TENM3: variants seen among roughly 807,000 people sequenced by gnomAD.
TENM3 encodes teneurin transmembrane protein 3, also known as teneurin-3.
Under a neutral mutation model 255.1 loss-of-function variants are expected in TENM3, and 63 were observed. That is an observed-to-expected ratio of 0.25 (90% CI 0.20 to 0.30). TENM3 has a LOEUF of 0.30. Among genes scored for constraint, TENM3 ranks in the 10% least tolerant of loss-of-function variants. The pLI, the probability that TENM3 is intolerant of heterozygous loss-of-function variation, is 1.00. For synonymous variants in TENM3, 1,306 were observed against 1,322.3 expected (o/e 0.99, Z 0.27); for missense variants, 2,929 against 3,461.1 (o/e 0.85, Z 3.86).
chr4:181,795,418 T>C, the TENM3 span, among the ~76,000 whole-genome samples: 2 of 152,306 alleles, frequency 1.3e-5, no homozygotes, highest in African/African-American at 4.8e-5. Context: ...CCCACCCTTA[T>C]GACCTAATTA....
chr4:181,637,841 T>C, the TENM3 span, among the ~76,000 whole-genome samples: 1 of 152,228 alleles, frequency 6.6e-6, no homozygotes, highest in East Asian at 1.9e-4. Context: ...CAGTCATTGG[T>C]ACATTCTCAG....
At chr4:182,110,434 C>T in the TENM3 span, among the ~76,000 whole-genome samples, 1 of 152,050 alleles carries the variant, frequency 6.6e-6, no homozygotes, top group African/African-American at 2.4e-5. Flanking sequence ...AAGTGATCCT[C>T]CCTCCTCAGC....
chr4:181,817,941 C>T, the TENM3 span, among the ~76,000 whole-genome samples: 2 of 152,176 alleles, frequency 1.3e-5, no homozygotes, highest in Non-Finnish European at 2.9e-5. Context: ...TTTACAAAGT[C>T]CAGTGTTTGT....
chr4:181,976,068 A>T, the TENM3 span: 5 of 152,172 alleles, frequency 3.3e-5, no homozygotes, highest in African/African-American at 1.2e-4. Context: ...TTCCCTTTTT[A>T]TAAGGACATC....
chr4:182,198,248 AC>A (rs1423861919), intron 1 of TENM3, among the ~76,000 whole-genome samples: 11 of 152,258 alleles, frequency 7.2e-5, no homozygotes, highest in Non-Finnish European at 7.3e-5. Flanking sequence ...GTTCATTTGC[AC>A]GAATAAACTC....
At chr4:182,151,517 G>T (rs1375113404) in intron 1 of TENM3, among the ~76,000 whole-genome samples, 1 of 152,020 alleles carries the variant, frequency 6.6e-6, no homozygotes, top group Admixed American at 6.6e-5. Context: ...TTGGCACAGA[G>T]CTTGCCATTT....
At chr4:181,881,590 G>C in the TENM3 span, among the ~76,000 whole-genome samples, 1 of 152,028 alleles carries the variant, frequency 6.6e-6, no homozygotes, top group Non-Finnish European at 1.5e-5. Context: ...ATTGATCTTT[G>C]TTTTTGACCC....
At chr4:181,527,899 C>A in the TENM3 span, among the ~76,000 whole-genome samples, 3 of 151,750 alleles carry the variant, frequency 2.0e-5, no homozygotes, top group Non-Finnish European at 4.4e-5. Context: ...TAAACTTATA[C>A]TTCTGAGTTG....
At chr4:182,417,846 TG>T (rs1180412321) in intron 3 of TENM3, among the ~76,000 whole-genome samples, 2 of 152,192 alleles carry the variant, frequency 1.3e-5, no homozygotes, top group Non-Finnish European at 2.9e-5. Flanking sequence ...CATAGCTCTT[TG>T]AAGATGTAGA....
At chr4:181,774,003 G>GTTTTT in the TENM3 span, among the ~76,000 whole-genome samples, 183 of 90,014 alleles carry the variant, frequency 2.0e-3, no homozygotes, top group African/African-American at 3.6e-3. Context: ...TGGTGGCTGT[G>GTTTTT]TTTTTTTTTT....
chr4:182,318,154 T>C (rs6552551), intron 1 of TENM3, among the ~76,000 whole-genome samples: 2,551 of 152,270 alleles, frequency 0.017, 75 homozygotes, highest in African/African-American at 0.058. Context: ...GCTTTGTAAT[T>C]TGTACAGAAA....
chr4:182,568,506 A>G (rs937757517), intron 3 of TENM3, among the ~76,000 whole-genome samples: 2 of 152,234 alleles, frequency 1.3e-5, no homozygotes, highest in Non-Finnish European at 2.9e-5. Context: ...CTAACAACCT[A>G]AAATATCAGG....
chr4:181,691,627 C>T, the TENM3 span, among the ~76,000 whole-genome samples: 3 of 151,898 alleles, frequency 2.0e-5, no homozygotes, highest in Admixed American at 6.6e-5. Context: ...GGATCTGCAC[C>T]GTCAAAATTC....
chr4:182,663,834 A>G (rs1754425806), intron 6 of TENM3, among the ~76,000 whole-genome samples: 1 of 152,212 alleles, frequency 6.6e-6, no homozygotes, highest in Non-Finnish European at 1.5e-5. Context: ...GCAAGGAATC[A>G]GCAACTAACT....
At position 182,197,476 on chromosome 4, in the gene TENM3, G is replaced by A. The variant is rs1173126675; in HGVS notation, c.-76+52722G>A. Among the ~76,000 whole-genome samples the A allele has an allele frequency of 2.0e-5, 3 of 151,716 alleles. No individual in the cohort carries two copies. The East Asian group carries it at 5.8e-4, about 29-fold the overall frequency. ...CACCATCAGAGGATATTATTCAGAG[G>A]ATAAAAAAAGTTTCCAAACCACTGC... On this transcript the variant is annotated intron_variant, in intron 1 of 2. Transcript: ENST00000512480.
intron 3 of TENM3, among the ~76,000 whole-genome samples, chr4:182,387,079 A>C (rs1166504605): frequency 1.3e-5 from 2 of 152,086 alleles, no homozygotes; most frequent in African/African-American, 2.4e-5. Flanking sequence ...ACCAATCAGC[A>C]CCCTGTGTTT....
the TENM3 span, among the ~76,000 whole-genome samples, chr4:181,841,175 G>A: frequency 2.0e-5 from 3 of 152,082 alleles, no homozygotes; most frequent in African/African-American, 7.2e-5. Context: ...ATCTTTGTCT[G>A]TAAAATTACC....
At chr4:181,450,518 A>G in the TENM3 span, among the ~76,000 whole-genome samples, 1 of 152,174 alleles carries the variant, frequency 6.6e-6, no homozygotes, top group Admixed American at 6.5e-5. Context: ...TTTTGGATCA[A>G]GGTAATTTGC....
chr4:181,845,580 A>C, the TENM3 span, among the ~76,000 whole-genome samples: 2 of 152,232 alleles, frequency 1.3e-5, no homozygotes, highest in Non-Finnish European at 2.9e-5. Context: ...TATCTGGCAC[A>C]CTTACTTTGC....
Sources: gnomAD v4.1 joint callset for allele counts (sites outside exome capture counted in the v4.1 genomes callset) on GRCh38, gnomAD v4.1.1 for gene constraint, MANE v1.5 for transcripts, NCBI Gene and HGNC (gene_info 2026-07-23, HGNC 2026-07-21) for gene names.